The following GRID2IP variants were observed in gnomAD, a reference collection of about 807,000 sequenced individuals.
The protein encoded by GRID2IP is Grid2 interacting protein.
GRID2IP carries 78 observed loss-of-function variants against 114.3 expected under a neutral mutation model. The observed-to-expected ratio is 0.68, with a 90% CI of 0.57 to 0.82. The LOEUF is 0.82. Among genes scored for constraint, GRID2IP ranks in the 40% least tolerant of loss-of-function variants. The probability of loss-of-function intolerance (pLI) is 0.00; values close to 1 mark genes in which losing one functional copy is unlikely to be tolerated. For synonymous variants in GRID2IP, 809 were observed against 724.0 expected, an observed-to-expected ratio of 1.12 and a Z score of -1.89; for missense variants, 1,727 against 1,678.5, an observed-to-expected ratio of 1.03 and a Z score of -0.51.
At chr7:6,531,993 C>A (rs909889799) in intron 2 of GRID2IP, among the ~76,000 whole-genome samples, 2 of 152,134 alleles carry the variant, frequency 1.3e-5, no homozygotes, top group African/African-American at 4.8e-5. Flanking sequence ...AGTAGAGGGC[C>A]TCCCAGAGCT....
intron 2 of GRID2IP, chr7:6,531,031 C>T (rs1562522181): frequency 1.6e-6 from 1 of 644,810 alleles, no homozygotes. Context: ...AGAGGGCGCA[C>T]GGTTCCCGGA....
Position 6,506,217 on chromosome 7 carries a change from G to A in GRID2IP, c.2545-310C>T, listed in dbSNP as rs1349988029. ...TGAAGAGGCTAGAGCCAAGTAAGGG[G>A]CTACCGGAGGTGGCTCAGGGGTCTG... On this transcript the variant is annotated intron_variant, in intron 13 of 21. Coordinates refer to ENST00000457091, the MANE Select transcript of GRID2IP (RefSeq NM_001145118.2). This position sits in a 1 kb window ranked among gnomAD's most constrained non-coding sequence, Gnocchi z 5.2. Among the ~76,000 whole-genome samples, 4 of 152,232 alleles carry A rather than the reference G, an allele frequency of 2.6e-5. No homozygotes were observed. Among genetic ancestry groups the A allele is most frequent in the African/African-American group, 9.6e-5 (4 of 41,458 alleles).
intron 7 of GRID2IP, among the ~76,000 whole-genome samples, chr7:6,515,332 T>C (rs982878147): frequency 2.0e-5 from 3 of 151,908 alleles, no homozygotes; most frequent in Admixed American, 2.0e-4. Context: ...CGTGGTGGCA[T>C]GTACCCTCAG....
At position 6,527,646 on chromosome 7, in the gene GRID2IP, GGCACGATCATA is replaced by G. The variant is rs531506627; in HGVS notation, c.585-888_585-878del. The stretch of plus-strand genomic sequence containing the variant: ...TCTGTCTCCCAGACTACAGTACAGT[GGCACGATCATA>G]GCACGATCATAGCTCATTGTAACCT... On this transcript the variant is annotated intron_variant, in intron 2 of 21. Transcript: ENST00000457091. Among the ~76,000 whole-genome samples, 1,453 of 152,240 alleles carry G rather than the reference GGCACGATCATA, an allele frequency of 9.5e-3. 26 individuals carry two copies. Among genetic ancestry groups the G allele is most frequent in the Non-Finnish European group, 0.01 (702 of 68,018 alleles).
At chr7:6,541,765 G>A (rs1013176354) in intron 1 of GRID2IP, among the ~76,000 whole-genome samples, 7 of 152,152 alleles carry the variant, frequency 4.6e-5, no homozygotes, top group Non-Finnish European at 1.0e-4. Context: ...TGGAAGGCAG[G>A]TTGTTAAGTG....
At chr7:6,517,542 C>G (rs935309311) in intron 7 of GRID2IP, among the ~76,000 whole-genome samples, 4 of 152,040 alleles carry the variant, frequency 2.6e-5, no homozygotes, top group Non-Finnish European at 5.9e-5. Context: ...CACAACAGAC[C>G]TAATAACAGA....
Position 6,519,931 on chromosome 7 carries a change from G to A in GRID2IP, c.1268+647C>T, listed in dbSNP as rs949215067. ...CACCAACCCTACCCCGAAGGGCCTAGCCCATGACAAGTGCCCACAGGTGGG... is the reference window on the plus strand; with the variant it reads ...CACCAACCCTACCCCGAAGGGCCTAACCCATGACAAGTGCCCACAGGTGGG... On this transcript the variant is annotated intron_variant, in intron 7 of 21. Transcript: ENST00000457091. The surrounding 1 kb of genome is among the most constrained non-coding windows in gnomAD (Gnocchi z 4.1). Among the ~76,000 whole-genome samples the A allele has an allele frequency of 2.6e-5, 4 of 152,244 alleles. No individual in the cohort carries two copies. Among genetic ancestry groups the A allele is most frequent in the Non-Finnish European group, 4.4e-5 (3 of 68,028 alleles).
In GRID2IP at chr7:6,539,890, G is replaced by A; in HGVS notation, c.430-18C>T. ...TCATCCACCTGCAAGGAGGAGTCCT[G>A]TGAATGACCAAAAGGGATCCAGAGT... is the stretch of plus-strand genomic sequence containing the variant. On this transcript the variant is annotated intron_variant, in intron 1 of 21. Transcript: ENST00000457091. 1.9e-6 allele frequency: 3 copies of A among 1,547,272 alleles called. No homozygotes were observed. The highest frequency in any genetic ancestry group is 2.6e-6 in the Non-Finnish European group (3 of 1,144,406).
At chr7:6,502,156 C>T in intron 18 of GRID2IP, 38 bp from the exon 19 acceptor site, 1 of 1,546,388 alleles carries the variant, frequency 6.5e-7, no homozygotes, top group South Asian at 1.2e-5. Context: ...CGTCAAGGAC[C>T]CCATCAGATG....
rs1019602674 is a variant in GRID2IP, at chr7:6,516,571, G to C, written c.1269-2042C>G. On this transcript the variant is annotated intron_variant, in intron 7 of 21. Transcript: ENST00000457091. This position sits in a 1 kb window ranked among gnomAD's most constrained non-coding sequence, Gnocchi z 4.3. ...AGGCACCCGTTGCTTAGCAGACCGG[G>C]AAAGGGAGTCTCCCTTTCCTGGTGG... 6.6e-6 allele frequency among the ~76,000 whole-genome samples: 1 copy of C among 152,000 alleles called. No homozygotes were observed. The highest frequency in any genetic ancestry group is 2.4e-5 in the African/African-American group (1 of 41,372).
chr7:6,514,126 G>C (rs985867152), intron 8 of GRID2IP, among the ~76,000 whole-genome samples: 12 of 151,932 alleles, frequency 7.9e-5, no homozygotes, highest in African/African-American at 2.9e-4. Flanking sequence ...AGTGACATGC[G>C]CCTTTAGTCC....
intron 7 of GRID2IP, among the ~76,000 whole-genome samples, chr7:6,517,347 G>A (rs1356523673): frequency 6.6e-6 from 1 of 151,744 alleles, no homozygotes; most frequent in Non-Finnish European, 1.5e-5. Context: ...ATGAGCCACC[G>A]CGCCCAGCCG....
At chr7:6,504,652 G>C in intron 15 of GRID2IP, 141 bp downstream of exon 15, 1 of 665,920 alleles carries the variant, frequency 1.5e-6, no homozygotes, top group Non-Finnish European at 2.6e-6. Flanking sequence ...ATGGGGCCTG[G>C]GAGGGGGCCT....
chr7:6,533,666 T>C (rs1779675132), intron 2 of GRID2IP, among the ~76,000 whole-genome samples: 1 of 149,958 alleles, frequency 6.7e-6, no homozygotes, highest in Non-Finnish European at 1.5e-5. Context: ...CCCCAGCTCA[T>C]TTTTAAACTT....
intron 1 of GRID2IP, among the ~76,000 whole-genome samples, chr7:6,549,484 G>A (rs1779935125): frequency 6.6e-6 from 1 of 152,216 alleles, no homozygotes; most frequent in Admixed American, 6.5e-5. Context: ...AAGAGGAAAT[G>A]CCTTTGGCAG....
chr7:6,503,388 A>T, intron 16 of GRID2IP, 103 bp downstream of exon 16: 1 of 1,200,758 alleles, frequency 8.3e-7, no homozygotes, highest in Non-Finnish European at 1.1e-6. Context: ...GCTTGGGCGC[A>T]ATGGCGGCCC....
intron 7 of GRID2IP, among the ~76,000 whole-genome samples, chr7:6,517,580 T>C (rs1052864705): frequency 1.3e-5 from 2 of 152,034 alleles, no homozygotes; most frequent in Admixed American, 6.6e-5. Flanking sequence ...AAATTTACAA[T>C]GTTCAAAATC....
At chr7:6,535,693 T>C (rs1303406515) in intron 2 of GRID2IP, among the ~76,000 whole-genome samples, 1 of 152,104 alleles carries the variant, frequency 6.6e-6, no homozygotes, top group Non-Finnish European at 1.5e-5. Context: ...CCTGTCTCTA[T>C]TTATAAATTC....
intron 8 of GRID2IP, among the ~76,000 whole-genome samples, chr7:6,511,729 G>A (rs1237269616): frequency 6.6e-6 from 1 of 152,124 alleles, no homozygotes. Context: ...GTCCAGCATG[G>A]ATCCTGAGCT....
Sources: allele counts gnomAD v4.1 joint callset (sites outside exome capture counted in the v4.1 genomes callset), GRCh38; gene constraint gnomAD v4.1.1; non-coding constraint Gnocchi (gnomAD v3.1); transcripts MANE v1.5; gene names NCBI Gene and HGNC (gene_info 2026-07-23, HGNC 2026-07-21).